LDLRAD4: variants seen among roughly 807,000 people sequenced by gnomAD.
LDLRAD4 encodes the protein low-density lipoprotein receptor class A domain-containing protein 4.
In LDLRAD4, 5 loss-of-function variants were observed where a neutral mutation model predicts 17.0. The observed-to-expected ratio is 0.29, with a 90% CI of 0.15 to 0.62. The LOEUF (loss-of-function observed/expected upper bound fraction) is 0.62, where lower values mean the gene tolerates loss of function less well. LDLRAD4 is among the 20% of genes least tolerant of loss of function. The pLI, the probability that LDLRAD4 is intolerant of heterozygous loss-of-function variation, is 0.84. For synonymous variants in LDLRAD4, 168 were observed against 171.8 expected (o/e 0.98, Z 0.17); for missense variants, 340 against 424.7 (o/e 0.80, Z 1.75).
intron 2 of LDLRAD4, among the ~76,000 whole-genome samples, chr18:13,411,646 G>A (rs2088376071): frequency 6.6e-6 from 1 of 152,148 alleles, no homozygotes; most frequent in Non-Finnish European, 1.5e-5. Context: ...GGTAAGACGT[G>A]ACTTTGCTCC....
chr18:13,459,371 G>GGT (rs1555695744), intron 3 of LDLRAD4, among the ~76,000 whole-genome samples: 2 of 148,188 alleles, frequency 1.3e-5, no homozygotes, highest in East Asian at 2.0e-4. Context: ...AACATTTGGT[G>GGT]TTTTTTTTTT....
intron 3 of LDLRAD4, among the ~76,000 whole-genome samples, chr18:13,470,179 G>C (rs1448136762): frequency 6.6e-6 from 1 of 152,136 alleles, no homozygotes; most frequent in Non-Finnish European, 1.5e-5. Context: ...CCAAAGGGGT[G>C]CACATGCAGA....
At chr18:13,545,101 A>C (rs2094342200) in intron 3 of LDLRAD4, among the ~76,000 whole-genome samples, 1 of 152,162 alleles carries the variant, frequency 6.6e-6, no homozygotes, top group South Asian at 2.1e-4. Flanking sequence ...TCCTCAGCTG[A>C]GAGAGTGGGG....
chr18:13,575,522 A>G (rs1159346796), intron 3 of LDLRAD4, among the ~76,000 whole-genome samples: 1 of 152,256 alleles, frequency 6.6e-6, no homozygotes, highest in Non-Finnish European at 1.5e-5. Flanking sequence ...TTGTGCTGCT[A>G]TAAACATGCG....
chr18:13,424,893 G>T (rs9675913), intron 2 of LDLRAD4, among the ~76,000 whole-genome samples: 3,141 of 152,320 alleles, frequency 0.021, 105 homozygotes, highest in African/African-American at 0.07. Context: ...CGAAGGGCAC[G>T]TATGCCTCGC....
chr18:13,482,722 T>G (rs2093123464), intron 3 of LDLRAD4, among the ~76,000 whole-genome samples: 1 of 152,114 alleles, frequency 6.6e-6, no homozygotes, highest in South Asian at 2.1e-4. Flanking sequence ...TAAGTTCCTA[T>G]GGGCCCTGGG....
chr18:13,558,751 AG>A (rs1300636716), intron 3 of LDLRAD4, among the ~76,000 whole-genome samples: 2 of 152,252 alleles, frequency 1.3e-5, no homozygotes, highest in African/African-American at 2.4e-5. Context: ...AATTTTAAAA[AG>A]TATGAAAAAT....
intron 1 of LDLRAD4, among the ~76,000 whole-genome samples, chr18:13,339,006 T>G (rs1264124624): frequency 1.3e-5 from 2 of 152,300 alleles, no homozygotes; most frequent in South Asian, 2.1e-4. Flanking sequence ...AATTTATATC[T>G]GTGACATGGA....
intron 2 of LDLRAD4, among the ~76,000 whole-genome samples, chr18:13,410,030 G>A (rs998817418): frequency 2.0e-5 from 3 of 152,194 alleles, no homozygotes; most frequent in Non-Finnish European, 4.4e-5. Context: ...CCTCTGTGGT[G>A]TTCTTCCCAG....
intron 1 of LDLRAD4, among the ~76,000 whole-genome samples, chr18:13,338,810 T>TC: frequency 6.6e-6 from 1 of 152,278 alleles, no homozygotes; most frequent in East Asian, 1.9e-4. Context: ...TGTGAGAGAC[T>TC]CAGGGTGCAG....
chr18:13,389,915 G>GTAGCTACC (rs2086136963), intron 2 of LDLRAD4, among the ~76,000 whole-genome samples: 1 of 152,122 alleles, frequency 6.6e-6, no homozygotes, highest in African/African-American at 2.4e-5. Context: ...TACCCCTGGG[G>GTAGCTACC]CCTGTGTCAC....
Position 13,538,527 on chromosome 18 carries a change from A to G in LDLRAD4, c.182-82590A>G, listed in dbSNP as rs1046372515. The stretch of plus-strand genomic sequence containing the variant: ...AGTCTCATTTAAAATTTTGATGTCT[A>G]TGATTTTTTTTTTTTTTGAGACAAG... On this transcript the variant is annotated intron_variant, in intron 3 of 5. Transcript: ENST00000359446. 6.4e-4 allele frequency among the ~76,000 whole-genome samples: 83 copies of G among 129,014 alleles called. 2 individuals are homozygous for G. The highest frequency in any genetic ancestry group is 1.9e-3 in the South Asian group (7 of 3,734). 84.6% of individuals were successfully genotyped at this position (129,014 alleles called of 152,430 possible).
intron 3 of LDLRAD4, among the ~76,000 whole-genome samples, chr18:13,591,768 G>C (rs1275384852): frequency 6.6e-6 from 1 of 152,254 alleles, no homozygotes; most frequent in African/African-American, 2.4e-5. Context: ...CATGGAGCCA[G>C]TGTAGAACTA....
At position 13,386,933 on chromosome 18, in the gene LDLRAD4, TA is replaced by T. The variant is rs1408782200; in HGVS notation, c.-382-407del. 8.8e-3 allele frequency among the ~76,000 whole-genome samples: 574 copies of T among 64,872 alleles called. 12 individuals are homozygous for T. Among genetic ancestry groups the T allele is most frequent in the East Asian group, 0.08 (313 of 3,924 alleles). The allele number at this position is 64,872 out of a possible 152,430, so 42.6% of individuals were successfully genotyped here. A position where few individuals can be genotyped will look rare whatever the true frequency, so the allele number is the denominator to read the frequency against. Reference sequence around the variant, plus strand: ...ATAGATAGATAGATAGATAGATAGATAGATAGATAGATAGATGGATGGATGG... The same window carrying T: ...ATAGATAGATAGATAGATAGATAGATGATAGATAGATAGATGGATGGATGG... On this transcript the variant is annotated intron_variant, in intron 1 of 5. Coordinates refer to ENST00000359446, the Ensembl canonical transcript of LDLRAD4.
chr18:13,410,141 G>T (rs2088190710), intron 2 of LDLRAD4, among the ~76,000 whole-genome samples: 1 of 152,082 alleles, frequency 6.6e-6, no homozygotes, highest in Non-Finnish European at 1.5e-5. Context: ...AAGTGTCAAG[G>T]CTCTGAAAGG....
chr18:13,616,255 G>GGC lies in LDLRAD4; in HGVS notation c.182-4861_182-4860insCG, dbSNP rs369812391. ...GAGAGGGTGTGGGAGGACAGGTGGG[G>GGC]GGGGGGGGGTTGCCACACACCCCCT... On this transcript the variant is annotated intron_variant, in intron 3 of 5. Transcript: ENST00000359446. 1.6e-3 allele frequency: 233 copies of GGC among 147,200 alleles called. 2 individuals carry two copies. Among genetic ancestry groups the GGC allele is most frequent in the African/African-American group, 5.8e-3 (219 of 37,826 alleles). 9.1% of individuals were successfully genotyped at this position (147,200 alleles called of 1,614,324 possible).
chr18:13,491,919 G>A (rs1047597300), intron 3 of LDLRAD4, among the ~76,000 whole-genome samples: 1 of 152,160 alleles, frequency 6.6e-6, no homozygotes, highest in Non-Finnish European at 1.5e-5. Context: ...GAATTGGTGC[G>A]AGGAAAAGTA....
At chr18:13,373,801 G>A (rs1402270695) in intron 1 of LDLRAD4, among the ~76,000 whole-genome samples, 1 of 152,122 alleles carries the variant, frequency 6.6e-6, no homozygotes, top group African/African-American at 2.4e-5. Context: ...GCTGAAACGT[G>A]GAGTATACTT....
rs1320867523 is a variant in LDLRAD4 at position 13,536,578 on chromosome 18, CT to C, written c.182-84532del. ...TTTGAACAGAGACGCTGTTTTACAT[CT>C]TTTTTTCCCAGCCTGTATGCCTTTA... On this transcript the variant is annotated intron_variant, in intron 3 of 5. Transcript: ENST00000359446. 2.7e-5 allele frequency among the ~76,000 whole-genome samples: 4 copies of C among 150,470 alleles called. No homozygotes were observed. In the East Asian group the frequency reaches 5.8e-4, roughly 22 times the overall value.
Sources: gnomAD v4.1 joint callset for allele counts (sites outside exome capture counted in the v4.1 genomes callset) on GRCh38, gnomAD v4.1.1 for gene constraint, MANE v1.5 for transcripts, NCBI Gene and HGNC (gene_info 2026-07-23, HGNC 2026-07-21) for gene names.